The following KAZN variants were observed in gnomAD, a reference collection of about 807,000 sequenced individuals.
The protein encoded by KAZN is kazrin.
Under a neutral mutation model 87.4 loss-of-function variants are expected in KAZN, and 40 were observed. The observed-to-expected ratio is 0.46, with a 90% CI of 0.36 to 0.60. The LOEUF is 0.60. Ranked by LOEUF, KAZN falls within the 20% of genes least tolerant of loss-of-function variation. KAZN has a pLI of 0.00. For missense variants in KAZN, 898 were observed against 1,073.9 expected (o/e 0.84, Z 2.29); for synonymous variants, 466 against 458.3 (o/e 1.02, Z -0.22).
At chr1:15,110,096 TGTATGTGC>T (rs1641473351) in intron 13 of KAZN, among the ~76,000 whole-genome samples, 1 of 144,314 alleles carries the variant, frequency 6.9e-6, no homozygotes. Flanking sequence ...TATGTATGTG[TGTATGTGC>T]GTATTTGTGT....
intron 2 of KAZN, among the ~76,000 whole-genome samples, chr1:14,961,219 C>T (rs1557664085): frequency 6.6e-6 from 1 of 152,206 alleles, no homozygotes; most frequent in African/African-American, 2.4e-5. Context: ...CCTTCGGTGC[C>T]TCCACTCAGG....
At chr1:14,851,050 A>G (rs556699473) in intron 1 of KAZN, among the ~76,000 whole-genome samples, 1 of 152,308 alleles carries the variant, frequency 6.6e-6, no homozygotes, top group Non-Finnish European at 1.5e-5. Context: ...CCTGAGTTGG[A>G]CCAGCTATGC....
At chr1:14,176,466 A>T (rs1646077700) in intron 1 of KAZN, among the ~76,000 whole-genome samples, 1 of 152,202 alleles carries the variant, frequency 6.6e-6, no homozygotes, top group Non-Finnish European at 1.5e-5. Context: ...AGGGTATGAG[A>T]CATGAGGGAA....
At chr1:14,607,255 C>G (rs751621680) in intron 1 of KAZN, among the ~76,000 whole-genome samples, 18 of 152,282 alleles carry the variant, frequency 1.2e-4, no homozygotes, top group Non-Finnish European at 2.2e-4. Flanking sequence ...CTCAACGAAT[C>G]CTTTAAACCA....
At chr1:14,871,908 G>A (rs1652184527) in intron 1 of KAZN, among the ~76,000 whole-genome samples, 1 of 151,984 alleles carries the variant, frequency 6.6e-6, no homozygotes, top group Non-Finnish European at 1.5e-5. Flanking sequence ...TAGAGGGGGT[G>A]GGCCAGGAGG....
At chr1:14,345,117 C>T (rs1658016653) in intron 2 of KAZN, among the ~76,000 whole-genome samples, 1 of 152,078 alleles carries the variant, frequency 6.6e-6, no homozygotes, top group African/African-American at 2.4e-5. Flanking sequence ...TGGTGTTTAC[C>T]ATGTTGGCCA....
intron 2 of KAZN, among the ~76,000 whole-genome samples, chr1:14,339,738 T>G (rs1657548859): frequency 6.6e-6 from 1 of 152,168 alleles, no homozygotes; most frequent in Non-Finnish European, 1.5e-5. Flanking sequence ...AAATGTTAGT[T>G]TTATCCAAAA....
At chr1:14,415,703 A>C (rs187762479) in intron 2 of KAZN, among the ~76,000 whole-genome samples, 1 of 152,246 alleles carries the variant, frequency 6.6e-6, no homozygotes, top group Admixed American at 6.5e-5. Flanking sequence ...TATGGCATTC[A>C]GCAACCCATG....
chr1:14,994,634 T>G (rs1174303616), intron 2 of KAZN, among the ~76,000 whole-genome samples: 2 of 152,242 alleles, frequency 1.3e-5, no homozygotes, highest in Non-Finnish European at 2.9e-5. Flanking sequence ...GGACCATCAC[T>G]TATCTGTTGT....
chr1:14,211,305 C>T (rs1571026886), intron 2 of KAZN, among the ~76,000 whole-genome samples: 1 of 152,222 alleles, frequency 6.6e-6, no homozygotes, highest in African/African-American at 2.4e-5. Flanking sequence ...ACTGCAAGTT[C>T]CGCCTCCCGG....
At chr1:14,548,715 AT>A (rs1240681994) in intron 2 of KAZN, among the ~76,000 whole-genome samples, 1 of 152,168 alleles carries the variant, frequency 6.6e-6, no homozygotes, top group African/African-American at 2.4e-5. Context: ...CACTGGATGA[AT>A]ACACCAAGTT....
At chr1:14,438,159 C>T (rs1471671504) in intron 2 of KAZN, among the ~76,000 whole-genome samples, 1 of 151,628 alleles carries the variant, frequency 6.6e-6, no homozygotes, top group African/African-American at 2.4e-5. Context: ...CTGTTCATCC[C>T]TTTGCAGATG....
chr1:14,150,091 C>T (rs953595433), intron 1 of KAZN, among the ~76,000 whole-genome samples: 1 of 152,182 alleles, frequency 6.6e-6, no homozygotes, highest in African/African-American at 2.4e-5. Context: ...TACAGATGAC[C>T]TGTTTCCTGG....
intron 2 of KAZN, among the ~76,000 whole-genome samples, chr1:14,987,704 T>C (rs1268850773): frequency 6.6e-6 from 1 of 152,146 alleles, no homozygotes; most frequent in East Asian, 1.9e-4. Flanking sequence ...GGCACTTTCA[T>C]GCGGGGCTCT....
At chr1:14,193,693 C>G (rs1646469790) in intron 2 of KAZN, among the ~76,000 whole-genome samples, 1 of 146,178 alleles carries the variant, frequency 6.8e-6, no homozygotes, top group South Asian at 2.2e-4. Flanking sequence ...AGGTATAATT[C>G]AGTTCAATAG....
At chr1:15,057,316 G>A (rs138713731) in intron 5 of KAZN, among the ~76,000 whole-genome samples, 28 of 152,348 alleles carry the variant, frequency 1.8e-4, no homozygotes, top group East Asian at 1.3e-3. Flanking sequence ...AGCACACAAC[G>A]TACGTTAAAG....
intron 2 of KAZN, among the ~76,000 whole-genome samples, chr1:15,011,838 A>G (rs1669600906): frequency 6.6e-6 from 1 of 152,086 alleles, no homozygotes; most frequent in Non-Finnish European, 1.5e-5. Flanking sequence ...GGCACCACTT[A>G]GCATCTTTAG....
intron 1 of KAZN, among the ~76,000 whole-genome samples, chr1:14,115,846 G>A (rs1644604827): frequency 6.6e-6 from 1 of 152,194 alleles, no homozygotes; most frequent in Non-Finnish European, 1.5e-5. Flanking sequence ...AGTCCAGGCT[G>A]AGGTGGTCTC....
chr1:14,302,980 A>G (rs1252727786), intron 2 of KAZN, among the ~76,000 whole-genome samples: 3 of 152,068 alleles, frequency 2.0e-5, no homozygotes, highest in Non-Finnish European at 4.4e-5. Flanking sequence ...ATATTAGCTC[A>G]CTGCATTTTT....
Sources: allele counts gnomAD v4.1 joint callset (sites outside exome capture counted in the v4.1 genomes callset), GRCh38; gene constraint gnomAD v4.1.1; transcripts MANE v1.5; gene names NCBI Gene and HGNC (gene_info 2026-07-23, HGNC 2026-07-21).